The following MLH3 variants were observed in gnomAD, a reference collection of about 807,000 sequenced individuals.
MLH3 encodes the protein mutL homolog 3.
A neutral mutation model predicts 122.2 loss-of-function variants in MLH3; 82 were observed. The ratio of observed to expected loss-of-function variants is 0.67; its 90% confidence interval spans 0.56 to 0.81. MLH3 has a LOEUF of 0.81. MLH3 is among the 30% of genes least tolerant of loss of function. The pLI, the probability that MLH3 is intolerant of heterozygous loss-of-function variation, is 0.00. For missense variants in MLH3, 1,539 were observed against 1,714.5 expected (o/e 0.90, Z 1.81); for synonymous variants, 524 against 599.5 (o/e 0.87, Z 1.84).
At position 75,047,477 on chromosome 14, in the gene MLH3, T is replaced by C. The variant is rs755098739; in HGVS notation, c.2179A>G (p.Ser727Gly). ...FPWYRHVSND[S>G]RKTDKLIGFS... is the part of the protein sequence containing the mutation. The stretch of plus-strand genomic sequence containing the variant: ...CCAATTAATTTATCTGTTTTCCTAC[T>C]ATCATTGGAAACGTGTCTATACCAG... The change falls in exon 2 of 13, where the codon AGT becomes GGT. Residue 727 changes from serine (S) to glycine (G), a missense_variant. By Grantham distance (56) the Ser-to-Gly change is moderately conservative. Coordinates refer to ENST00000355774, the MANE Select transcript of MLH3 (RefSeq NM_001040108.2). 1 of 1,614,118 alleles carries C rather than the reference T, an allele frequency of 6.2e-7. No homozygotes were observed. The highest frequency in any genetic ancestry group is 1.1e-5 in the South Asian group (1 of 91,084).
rs1060503070 is a variant in MLH3, at chr14:75,049,137, C to G, written c.519G>C (p.Gln173His). 1.2e-6 allele frequency: 2 copies of G among 1,614,200 alleles called. No individual in the cohort carries two copies. The highest frequency in any genetic ancestry group is 1.7e-6 in the Non-Finnish European group (2 of 1,180,034). Residue 173 changes from glutamine (Q) to histidine (H), a missense_variant, in exon 2 of 13, where the codon CAG (glutamine) becomes CAC (histidine). By Grantham distance (24) the Gln-to-His change is conservative (BLOSUM62 0). Transcript: ENST00000355774. ...DPRLEFEKVR[Q>H]RIEALSLMHP... ...GCATGAGTGAGAGAGCTTCTATTCT[C>G]TGCCTAACCTTCTCAAACTCCAGTC...
chr14:75,026,932 C>CT (rs1318115036), intron 9 of MLH3, among the ~76,000 whole-genome samples: 1 of 151,986 alleles, frequency 6.6e-6, no homozygotes, highest in Non-Finnish European at 1.5e-5. Flanking sequence ...AACCCCATCT[C>CT]TGCTAAAGAT....
chr14:75,047,174 C>A lies in MLH3; in HGVS notation c.2482G>T (p.Glu828Ter), dbSNP rs587776622. 3 of 1,614,024 alleles carry A rather than the reference C, an allele frequency of 1.9e-6. No homozygotes were observed. Among genetic ancestry groups the A allele is most frequent in the Non-Finnish European group, 2.5e-6 (3 of 1,180,006 alleles). ...CQPASHILNS[E>*]KFPFSKDEDC... ...TCATCCTTGGAGAATGGAAACTTCTCTGAGTTAAGGATGTGGCTTGCTGGT... is the reference window on the plus strand; with the variant it reads ...TCATCCTTGGAGAATGGAAACTTCTATGAGTTAAGGATGTGGCTTGCTGGT... The change falls in exon 2 of 13, where the codon GAG (glutamate) becomes TAG (stop). Residue 828 changes from glutamate to a stop codon, truncating the protein, a stop_gained. Transcript: ENST00000355774. LOFTEE classifies it high-confidence loss of function.
intron 2 of MLH3, among the ~76,000 whole-genome samples, chr14:75,043,056 G>A (rs1045179135): frequency 6.6e-6 from 1 of 152,204 alleles, no homozygotes; most frequent in African/African-American, 2.4e-5. Context: ...GATTACAGGC[G>A]TGAGCCACTG....
At position 75,047,336 on chromosome 14, in the gene MLH3, C is replaced by T. The variant is rs2139564983; in HGVS notation, c.2320G>A (p.Glu774Lys). The change falls in exon 2 of 13, where the codon GAA (glutamate) becomes AAA (lysine). Residue 774 changes from glutamate to lysine, a missense_variant. Glu to Lys is a moderately conservative substitution (Grantham distance 56, BLOSUM62 1). Coordinates refer to ENST00000355774, the MANE Select transcript of MLH3 (RefSeq NM_001040108.2). ...VENPLDTEVE[E>K]SNGVTTNLSL... ...AGATTGGTAGTGACTCCATTACTTT[C>T]CTCTACTTCTGTATCCAGAGGATTT... The T allele has an allele frequency of 6.2e-7, 1 of 1,614,142 alleles. No homozygotes were observed. Among genetic ancestry groups the T allele is most frequent in the Non-Finnish European group, 8.5e-7 (1 of 1,180,014 alleles).
At chr14:75,042,966 TG>T (rs1388969777) in intron 2 of MLH3, among the ~76,000 whole-genome samples, 6 of 152,092 alleles carry the variant, frequency 3.9e-5, no homozygotes, top group Non-Finnish European at 7.4e-5. Flanking sequence ...TTAGTAGACA[TG>T]GGGTTTCACC....
At chr14:75,027,664 TAAAAAAAAAAA>T (rs56986784) in intron 9 of MLH3, among the ~76,000 whole-genome samples, 8 of 30,900 alleles carry the variant, frequency 2.6e-4, no homozygotes, top group Admixed American at 9.5e-4. Flanking sequence ...TTTACTTCAG[TAAAAAAAAAAA>T]AAAAAAAAAA....
chr14:75,029,133 C>CA (rs764907881), intron 9 of MLH3, among the ~76,000 whole-genome samples: 2,069 of 75,592 alleles, frequency 0.027, 138 homozygotes, highest in African/African-American at 0.1. Context: ...CTGGGCATCG[C>CA]AAAAAAAAAA....
intron 9 of MLH3, among the ~76,000 whole-genome samples, chr14:75,027,688 A>AACC (rs1555341363): frequency 7.4e-6 from 1 of 134,546 alleles, no homozygotes; most frequent in Non-Finnish European, 1.6e-5. Flanking sequence ...AAAAAAAAAA[A>AACC]AAAAAACCCA....
chr14:75,015,973 T>G lies in MLH3; in HGVS notation c.*1109A>C. The G allele has an allele frequency of 4.3e-6, 1 of 231,876 alleles. No individual in the cohort carries two copies. The highest frequency in any genetic ancestry group is 8.5e-6 in the Non-Finnish European group (1 of 117,216). 14.4% of individuals were successfully genotyped at this position (231,876 alleles called of 1,614,324 possible). On this transcript the variant is annotated 3_prime_UTR_variant, in exon 13 of 13. Transcript: ENST00000355774. ...TCATTGCATCATCTTACTAATTGTATAGCACCCCAGTTGCAATAAACATTA... is the reference window on the plus strand; with the variant it reads ...TCATTGCATCATCTTACTAATTGTAGAGCACCCCAGTTGCAATAAACATTA...
chr14:75,016,124 C>A lies in MLH3; in HGVS notation c.*958G>T, dbSNP rs398896. ...AATGGCATAACAAGCATTTGCAGAA[C>A]GATCAGTCCTGGTCCCAAGTGATAT... On this transcript the variant is annotated 3_prime_UTR_variant, in exon 13 of 13. Coordinates refer to ENST00000355774, the MANE Select transcript of MLH3 (RefSeq NM_001040108.2). The A allele has an allele frequency of 0.4, 88,548 of 223,208 alleles. 18,503 individuals carry two copies. The highest frequency in any genetic ancestry group is 0.48 in the Middle Eastern group (361 of 750). The allele number at this position is 223,208 out of a possible 1,614,324, so 13.8% of individuals were successfully genotyped here. A position where few individuals can be genotyped will look rare whatever the true frequency, so the allele number is the denominator to read the frequency against.
intron 1 of MLH3, among the ~76,000 whole-genome samples, chr14:75,050,241 G>A (rs1892571652): frequency 1.3e-5 from 2 of 152,176 alleles, no homozygotes; most frequent in Admixed American, 6.5e-5. Context: ...GAGATTGGGG[G>A]CATTAAGAGG....
Position 75,046,528 on chromosome 14 carries a change from T to A in MLH3, c.3128A>T (p.Asp1043Val). ...GGCTACATCGAAATGCCGCTGCCAA[T>A]CTGAACAACACGTGTTTGACTCTTC... ...ETEESNTCCS[D>V]WQRHFDVALG... The change falls in exon 2 of 13, where the codon GAT (aspartate) becomes GTT (valine). Residue 1043 changes from aspartate to valine, a missense_variant. Transcript: ENST00000355774. 1 of 1,614,196 alleles carries A rather than the reference T, an allele frequency of 6.2e-7. No individual in the cohort carries two copies.
In MLH3 at chr14:75,048,454, T is replaced by C. The variant is rs1303519460; in HGVS notation, c.1202A>G (p.Tyr401Cys). ...QEACNNILDS[Y>C]EMFNLQSKAV... Reference sequence around the variant, plus strand: ...TTTTGACTGCAAATTAAACATCTCATAGGAATCTAAAATATTATTACATGC... The same window carrying C: ...TTTTGACTGCAAATTAAACATCTCACAGGAATCTAAAATATTATTACATGC... The change falls in exon 2 of 13, where the codon TAT (tyrosine) becomes TGT (cysteine). Residue 401 changes from tyrosine (Y) to cysteine (C), a missense_variant. Physicochemically the swap from Tyr to Cys is radical, Grantham distance 194. Transcript: ENST00000355774. 9.3e-6 allele frequency: 15 copies of C among 1,612,538 alleles called. No individual in the cohort carries two copies. Among genetic ancestry groups the C allele is most frequent in the Admixed American group, 3.3e-5 (2 of 59,730 alleles).
In MLH3 at chr14:75,048,861, A is replaced by T; in HGVS notation, c.795T>A (p.His265Gln). 1 of 1,614,096 alleles carries T rather than the reference A, an allele frequency of 6.2e-7. No individual in the cohort carries two copies. Among genetic ancestry groups the T allele is most frequent in the South Asian group, 1.1e-5 (1 of 91,060 alleles). Residue 265 changes from histidine to glutamine, a missense_variant, in exon 2 of 13, where the codon CAT becomes CAA. By Grantham distance (24) the His-to-Gln change is conservative (BLOSUM62 0). Coordinates refer to ENST00000355774, the MANE Select transcript of MLH3 (RefSeq NM_001040108.2). The stretch of plus-strand genomic sequence containing the variant: ...TCCTTAATAAAAAGTCAATGAGTTT[A>T]TGTAGCTTTGTCCTTAAAACTAGTC... ...NKRLVLRTKL[H>Q]KLIDFLLRKE... is the part of the protein sequence containing the mutation.
At chr14:75,029,914 A>T (rs1890924350) in intron 9 of MLH3, among the ~76,000 whole-genome samples, 1 of 152,052 alleles carries the variant, frequency 6.6e-6, no homozygotes, top group South Asian at 2.1e-4. Flanking sequence ...TGGGAAGCCA[A>T]TGCAAGGGGA....
At chr14:75,034,666 T>A (rs1891270950) in intron 6 of MLH3, among the ~76,000 whole-genome samples, 1 of 152,156 alleles carries the variant, frequency 6.6e-6, no homozygotes, top group East Asian at 1.9e-4. Context: ...TCCCTGGCTG[T>A]ACAGAAAGAG....
intron 12 of MLH3, among the ~76,000 whole-genome samples, chr14:75,018,070 G>A (rs911268702): frequency 2.0e-5 from 3 of 152,058 alleles, no homozygotes; most frequent in Non-Finnish European, 4.4e-5. Context: ...GCTTGAACCC[G>A]GGAGGCAGAG....
At chr14:75,033,850 A>G (rs1323485388) in intron 6 of MLH3, among the ~76,000 whole-genome samples, 1 of 152,078 alleles carries the variant, frequency 6.6e-6, no homozygotes, top group Non-Finnish European at 1.5e-5. Flanking sequence ...ATTTTTTAGG[A>G]AACAAAAGGT....
Sources: gnomAD v4.1 joint callset for allele counts (sites outside exome capture counted in the v4.1 genomes callset) on GRCh38, gnomAD v4.1.1 for gene constraint, MANE v1.5 for transcripts, NCBI Gene and HGNC (gene_info 2026-07-23, HGNC 2026-07-21) for gene names.